ZNF664: variants seen among roughly 807,000 people sequenced by gnomAD.
ZNF664 encodes the protein zinc finger Organ of Corti 1.
ZNF664 carries 10 observed loss-of-function variants against 18.2 expected under a neutral mutation model. That is an observed-to-expected ratio of 0.55 (90% CI 0.34 to 0.93). ZNF664 has a LOEUF of 0.93. ZNF664 is among the 40% of genes least tolerant of loss of function. The probability of loss-of-function intolerance (pLI) is 0.02; values close to 1 mark genes in which losing one functional copy is unlikely to be tolerated. For synonymous variants in ZNF664, 119 were observed against 104.2 expected, an observed-to-expected ratio of 1.14 and a Z score of -0.86; for missense variants, 193 against 319.0, an observed-to-expected ratio of 0.61 and a Z score of 3.01.
intron 3 of ZNF664, among the ~76,000 whole-genome samples, chr12:123,994,188 A>G (rs972595185): frequency 1.3e-5 from 2 of 151,782 alleles, no homozygotes; most frequent in Non-Finnish European, 2.9e-5. Flanking sequence ...GTCATCTTAC[A>G]GTTTGTTTGC....
chr12:123,979,376 G>A (rs939721419), intron 2 of ZNF664, among the ~76,000 whole-genome samples: 2 of 152,158 alleles, frequency 1.3e-5, no homozygotes, highest in African/African-American at 4.8e-5. Flanking sequence ...TGGGAGGAGG[G>A]CATCAGGCAA....
Position 124,015,196 on chromosome 12 carries a change from T to C in ZNF664, c.*2266T>C, listed in dbSNP as rs75735142. ...CTTAATCTTTGAGTCTAGTTTTCTC[T>C]CAAAATGAGAACATTAGGCTAAATG... is the stretch of plus-strand genomic sequence containing the variant. On this transcript the variant is annotated 3_prime_UTR_variant, in exon 5 of 5. Transcript: ENST00000337815. The C allele has an allele frequency of 0.039, 6,437 of 167,146 alleles. 405 individuals carry two copies. The highest frequency in any genetic ancestry group is 0.14 in the African/African-American group (5,645 of 41,520). 10.4% of individuals were successfully genotyped at this position (167,146 alleles called of 1,614,324 possible).
At chr12:123,980,504 T>G (rs1212474284) in intron 2 of ZNF664, among the ~76,000 whole-genome samples, 1 of 152,212 alleles carries the variant, frequency 6.6e-6, no homozygotes, top group Non-Finnish European at 1.5e-5. Context: ...CTGCACAAAA[T>G]ATGTATATTG....
intron 3 of ZNF664, among the ~76,000 whole-genome samples, chr12:123,997,509 C>T (rs1194646471): frequency 2.0e-5 from 3 of 152,136 alleles, no homozygotes; most frequent in East Asian, 1.9e-4. Context: ...TAGTCTTTGG[C>T]GTTCCTTGGC....
intron 3 of ZNF664, among the ~76,000 whole-genome samples, chr12:123,990,659 TTCC>T (rs1289985170): frequency 6.6e-6 from 1 of 152,208 alleles, no homozygotes; most frequent in Non-Finnish European, 1.5e-5. Context: ...ACCTCTGTGC[TTCC>T]TTTTGTGTTC....
In ZNF664 at chr12:124,011,777, TTACTC is replaced by T. The variant is rs747523397; in HGVS notation, c.-364_-360del. On this transcript the variant is annotated 5_prime_UTR_variant, in exon 5 of 5. An upstream open reading frame in the 5' UTR gains an earlier in-frame stop. Coordinates refer to ENST00000337815, the MANE Select transcript of ZNF664 (RefSeq NM_152437.3). ...TTTTCTAGAAGTGAGACATACAAGATTACTCTACAAGAGGAAGATTCCAGGGGCTC... is the reference window on the plus strand; with the variant it reads ...TTTTCTAGAAGTGAGACATACAAGATTACAAGAGGAAGATTCCAGGGGCTC... 44 of 1,091,936 alleles carry T rather than the reference TTACTC, an allele frequency of 4.0e-5. No homozygotes were observed. Among genetic ancestry groups the T allele is most frequent in the Middle Eastern group, 4.3e-4 (1 of 2,308 alleles). The allele number at this position is 1,091,936 out of a possible 1,614,324, so 67.6% of individuals were successfully genotyped here.
chr12:123,973,809 T>C (rs1594533017), intron 1 of ZNF664, 77 bp from the exon 2 acceptor site: 9 of 1,188,614 alleles, frequency 7.6e-6, no homozygotes, highest in Non-Finnish European at 9.4e-6. Context: ...GGAGAGGCGG[T>C]CATGGCCGCG....
intron 2 of ZNF664, among the ~76,000 whole-genome samples, chr12:123,980,092 A>G (rs976871254): frequency 2.0e-5 from 3 of 152,338 alleles, no homozygotes; most frequent in Non-Finnish European, 4.4e-5. Flanking sequence ...CATTTTTTGT[A>G]AGATACAAAA....
intron 2 of ZNF664, among the ~76,000 whole-genome samples, chr12:123,983,610 A>G (rs1009050185): frequency 7.9e-5 from 12 of 152,352 alleles, no homozygotes; most frequent in Non-Finnish European, 1.2e-4. Flanking sequence ...ACTTAGGTTA[A>G]CAATACAACA....
rs1194449373 is a variant in ZNF664 at position 124,013,019 on chromosome 12, T to A, written c.*89T>A. The A allele has an allele frequency of 1.4e-6, 2 of 1,433,202 alleles. No homozygotes were observed. The highest frequency in any genetic ancestry group is 2.9e-5 in the African/African-American group (2 of 68,926). The allele number at this position is 1,433,202 out of a possible 1,614,324, so 88.8% of individuals were successfully genotyped here. A position where few individuals can be genotyped will look rare whatever the true frequency, so the allele number is the denominator to read the frequency against. ...TATACCTACATTGACCCAAGAAATATTTACGCAATCCCTAGCAGAACATTG... is the reference window on the plus strand; with the variant it reads ...TATACCTACATTGACCCAAGAAATAATTACGCAATCCCTAGCAGAACATTG... On this transcript the variant is annotated 3_prime_UTR_variant, in exon 5 of 5. Coordinates refer to ENST00000337815, the MANE Select transcript of ZNF664 (RefSeq NM_152437.3).
intron 3 of ZNF664, 123 bp downstream of exon 3, chr12:123,988,261 C>A: frequency 1.2e-6 from 1 of 851,620 alleles, no homozygotes; most frequent in Non-Finnish European, 1.6e-6. Context: ...GAGGAAGCAG[C>A]TCTCCGTGCA....
rs2138476803 is a variant in ZNF664, at chr12:124,014,621, T to C, written c.*1691T>C. Reference sequence around the variant, plus strand: ...ATCTTTGAAGCTCTGAAATAGGTGATCAGGTTAGTGGTGTCTGTCAGCTGT... The same window carrying C: ...ATCTTTGAAGCTCTGAAATAGGTGACCAGGTTAGTGGTGTCTGTCAGCTGT... On this transcript the variant is annotated 3_prime_UTR_variant, in exon 5 of 5. Transcript: ENST00000337815. 1 of 167,232 alleles carries C rather than the reference T, an allele frequency of 6.0e-6. No homozygotes were observed. Among genetic ancestry groups the C allele is most frequent in the Middle Eastern group, 3.4e-3 (1 of 296 alleles). The allele number at this position is 167,232 out of a possible 1,614,324, so 10.4% of individuals were successfully genotyped here.
chr12:123,973,769 G>A, intron 1 of ZNF664, 117 bp from the exon 2 acceptor site: 1 of 1,227,416 alleles, frequency 8.1e-7, no homozygotes, highest in Non-Finnish European at 1.0e-6. Flanking sequence ...CCGTGGAGCC[G>A]CGTCTTGGAG....
In ZNF664 at chr12:124,014,247, G is replaced by A. The variant is rs1054231396; in HGVS notation, c.*1317G>A. On this transcript the variant is annotated 3_prime_UTR_variant, in exon 5 of 5. Transcript: ENST00000337815. ...TTTCCGCGGTGGGATGTTGAGCTGA[G>A]GCCGGAGGAGAAGTAGCAGTCGCTG... The A allele has an allele frequency of 1.8e-5, 3 of 167,198 alleles. No individual in the cohort carries two copies. The highest frequency in any genetic ancestry group is 7.2e-5 in the African/African-American group (3 of 41,428). The allele number at this position is 167,198 out of a possible 1,614,324, so 10.4% of individuals were successfully genotyped here.
chr12:123,986,671 A>G (rs1407368026), intron 2 of ZNF664, among the ~76,000 whole-genome samples: 1 of 152,156 alleles, frequency 6.6e-6, no homozygotes, highest in African/African-American at 2.4e-5. Context: ...TGTCAGAGTT[A>G]AGCTCTTGGG....
At chr12:123,985,825 T>TA (rs1401759327) in intron 2 of ZNF664, among the ~76,000 whole-genome samples, 1 of 152,254 alleles carries the variant, frequency 6.6e-6, no homozygotes, top group Non-Finnish European at 1.5e-5. Context: ...TGGAGGCCTT[T>TA]ACTATGTCAT....
At chr12:124,005,975 A>G (rs370414664) in intron 3 of ZNF664, 3 of 152,458 alleles carry the variant, frequency 2.0e-5, no homozygotes, top group African/African-American at 7.2e-5. Flanking sequence ...CCTTGCGCAG[A>G]GCAACACAGA....
chr12:123,987,516 C>G (rs550176551), intron 2 of ZNF664, among the ~76,000 whole-genome samples: 1 of 152,182 alleles, frequency 6.6e-6, no homozygotes, highest in Non-Finnish European at 1.5e-5. Flanking sequence ...CTTATCAGAT[C>G]AGCTGCCTTT....
chr12:123,994,700 A>T (rs1956927359), intron 3 of ZNF664, among the ~76,000 whole-genome samples: 1 of 152,196 alleles, frequency 6.6e-6, no homozygotes, highest in South Asian at 2.1e-4. Context: ...GACAAGTGGT[A>T]GATGCCTACG....
Sources: gnomAD v4.1 joint callset for allele counts (sites outside exome capture counted in the v4.1 genomes callset) on GRCh38, gnomAD v4.1.1 for gene constraint, MANE v1.5 for transcripts, NCBI Gene and HGNC (gene_info 2026-07-23, HGNC 2026-07-21) for gene names.